The following DNAH5 variants were observed in gnomAD, a reference collection of about 807,000 sequenced individuals.
The protein encoded by DNAH5 is dynein axonemal heavy chain 5, also known as axonemal beta dynein heavy chain 5.
In DNAH5, 372 loss-of-function variants were observed where a neutral mutation model predicts 518.2. The observed-to-expected ratio is 0.72, with a 90% confidence interval of 0.66 to 0.78. DNAH5 has a LOEUF of 0.78. Among genes scored for constraint, DNAH5 ranks in the 30% least tolerant of loss-of-function variants. The pLI is 0.00. For synonymous variants in DNAH5, 2,039 were observed against 2,025.9 expected (o/e 1.01, Z -0.17); for missense variants, 5,523 against 5,687.0 (o/e 0.97, Z 0.93).
In DNAH5 at chr5:13,928,159, A is replaced by T. The variant is rs1402805753; in HGVS notation, c.212T>A (p.Leu71His). 1 of 1,613,740 alleles carries T rather than the reference A, an allele frequency of 6.2e-7. No individual in the cohort carries two copies. The highest frequency in any genetic ancestry group is 8.5e-7 in the Non-Finnish European group (1 of 1,179,770). The change falls in exon 3 of 79, where the codon CTT becomes CAT. Residue 71 changes from leucine to histidine, a missense_variant. By Grantham distance (99) the Leu-to-His change is moderately conservative. Coordinates refer to ENST00000265104, the MANE Select transcript of DNAH5 (RefSeq NM_001369.3). ...EGNQIERIDQLFAVGGLRHLM... is the reference protein window; with the variant it reads ...EGNQIERIDQHFAVGGLRHLM... ...GTGTCGGAGACCTCCAACAGCAAAA[A>T]GTTGATCAATTCTTTCAATCTGGGA... is the stretch of plus-strand genomic sequence containing the variant.
chr5:13,977,828 T>C (rs1782378547), intron 1 of DNAH5, among the ~76,000 whole-genome samples: 1 of 152,100 alleles, frequency 6.6e-6, no homozygotes, highest in African/African-American at 2.4e-5. Context: ...AGTTGAATTA[T>C]GGGAGGGTTT....
chr5:13,994,586 C>G (rs1783798475), intron 1 of DNAH5, among the ~76,000 whole-genome samples: 1 of 152,194 alleles, frequency 6.6e-6, no homozygotes, highest in African/African-American at 2.4e-5. Context: ...CCTGACCTGA[C>G]ACAGAAAATA....
chr5:13,769,743 A>G (rs1753068505), intron 56 of DNAH5, 128 bp from the exon 57 acceptor site: 1 of 799,820 alleles, frequency 1.3e-6, no homozygotes, highest in Non-Finnish European at 2.2e-6. Flanking sequence ...TAGCAAACCC[A>G]AGAGGGCTTA....
chr5:13,917,625 A>C (rs1348745293), intron 7 of DNAH5, among the ~76,000 whole-genome samples: 1 of 152,144 alleles, frequency 6.6e-6, no homozygotes, highest in Non-Finnish European at 1.5e-5. Context: ...CTCCCTTCCT[A>C]TATCCCTATA....
chr5:13,798,736 TTTATTTTATTTATTTA>T (rs1338262430), intron 47 of DNAH5, among the ~76,000 whole-genome samples: 8,652 of 108,230 alleles, frequency 0.08, 320 homozygotes, highest in Middle Eastern at 0.097. Flanking sequence ...CATGATTTTA[TTTATTTTATTTATTTA>T]TTTATTTATT....
intron 65 of DNAH5, among the ~76,000 whole-genome samples, chr5:13,745,229 T>C (rs1749167177): frequency 6.6e-6 from 1 of 152,066 alleles, no homozygotes; most frequent in Non-Finnish European, 1.5e-5. Context: ...ATTTGGTTTC[T>C]ATAAAGGAAG....
At chr5:13,913,393 G>T (rs1776254786) in intron 11 of DNAH5, among the ~76,000 whole-genome samples, 1 of 151,978 alleles carries the variant, frequency 6.6e-6, no homozygotes, top group South Asian at 2.1e-4. Flanking sequence ...GTGTCAACTA[G>T]TGCCTGATAC....
rs1357176901 is a variant in DNAH5 at position 13,777,986 on chromosome 5, T to C, written c.8952-631A>G. On this transcript the variant is annotated intron_variant, in intron 53 of 78. Transcript: ENST00000265104. ...GAAGTGAACCTACAATCAGGAAATA[T>C]TAGAGAGTTCCCACTGTGGAGTGCT... Among the ~76,000 whole-genome samples the C allele has an allele frequency of 3.9e-5, 6 of 152,304 alleles. No individual in the cohort carries two copies. The South Asian group carries it at 1.2e-3, about 32-fold the overall frequency.
chr5:13,756,967 C>T (rs904927701), intron 61 of DNAH5, among the ~76,000 whole-genome samples: 12 of 152,280 alleles, frequency 7.9e-5, no homozygotes, highest in African/African-American at 2.9e-4. Flanking sequence ...TTTGGTTTTT[C>T]AGTTCCTGTG....
At position 13,920,602 on chromosome 5, in the gene DNAH5, A is replaced by G; in HGVS notation, c.676T>C (p.Cys226Arg). The G allele has an allele frequency of 1.2e-6, 2 of 1,614,154 alleles. No homozygotes were observed. Among genetic ancestry groups the G allele is most frequent in the Non-Finnish European group, 1.7e-6 (2 of 1,180,006 alleles). Reference protein sequence around the residue: ...SLKEKVNLRKCDILELKTLKE... With the variant: ...SLKEKVNLRKRDILELKTLKE... Reference sequence around the variant, plus strand: ...AGGGTTTTCAGTTCAAGTATGTCACACTTTCGAAGGTTCACCTAATTAGAA... The same window carrying G: ...AGGGTTTTCAGTTCAAGTATGTCACGCTTTCGAAGGTTCACCTAATTAGAA... The change falls in exon 6 of 79, where the codon TGT becomes CGT. Residue 226 changes from cysteine to arginine, a missense_variant. This residue lies in a region of DNAH5 where 5,121 missense variants were observed against 5,223.3 expected (regional missense o/e 0.98). Coordinates refer to ENST00000265104, the MANE Select transcript of DNAH5 (RefSeq NM_001369.3).
chr5:13,872,513 T>C (rs964760550), intron 22 of DNAH5, among the ~76,000 whole-genome samples: 1 of 152,200 alleles, frequency 6.6e-6, no homozygotes, highest in Admixed American at 6.5e-5. Flanking sequence ...TATTTTTCAA[T>C]GCTGTTGTCA....
At chr5:13,718,762 C>T in intron 72 of DNAH5, 120 bp downstream of exon 72, 1 of 819,484 alleles carries the variant, frequency 1.2e-6, no homozygotes. Flanking sequence ...ACCTCCCCAT[C>T]AGGTTAAACA....
intron 63 of DNAH5, among the ~76,000 whole-genome samples, chr5:13,752,629 TC>T (rs1415794395): frequency 6.6e-6 from 1 of 152,204 alleles, no homozygotes; most frequent in Non-Finnish European, 1.5e-5. Context: ...GGTCCCATCC[TC>T]AAGTTATCTC....
intron 55 of DNAH5, among the ~76,000 whole-genome samples, chr5:13,774,831 A>C (rs1241975922): frequency 1.3e-5 from 2 of 152,198 alleles, no homozygotes; most frequent in Non-Finnish European, 2.9e-5. Flanking sequence ...GATGACTGAA[A>C]TAGGAACTTA....
chr5:13,920,452 A>T, intron 6 of DNAH5, 28 bp downstream of exon 6: 1 of 1,613,862 alleles, frequency 6.2e-7, no homozygotes, highest in Non-Finnish European at 8.5e-7. Context: ...GTGGCACCTG[A>T]AATTGATGTT....
intron 65 of DNAH5, among the ~76,000 whole-genome samples, chr5:13,741,101 G>C (rs780505197): frequency 2.6e-5 from 4 of 152,134 alleles, no homozygotes; most frequent in Non-Finnish European, 4.4e-5. Flanking sequence ...TCTAGTCTTT[G>C]TGCCAGAAAT....
intron 30 of DNAH5, among the ~76,000 whole-genome samples, chr5:13,856,006 G>A (rs147784194): frequency 0.02 from 3,072 of 152,234 alleles, 102 homozygotes; most frequent in African/African-American, 0.068. Flanking sequence ...ACTGTTTAGA[G>A]GGAAATTTAT....
At position 13,829,716 on chromosome 5, in the gene DNAH5, A is replaced by G; in HGVS notation, c.6250-12T>C. 2.0e-5 allele frequency: 32 copies of G among 1,612,464 alleles called. No individual in the cohort carries two copies. The highest frequency in any genetic ancestry group is 2.7e-5 in the Non-Finnish European group (32 of 1,178,500). ...GCATAGCCAGGATTCTAAACAGAAA[A>G]TAAAGCCCAAGGATGAATGATGCAA... is the stretch of plus-strand genomic sequence containing the variant. On this transcript the variant is annotated splice_polypyrimidine_tract_variant and intron_variant, in intron 37 of 78. Coordinates refer to ENST00000265104, the MANE Select transcript of DNAH5 (RefSeq NM_001369.3).
In DNAH5 at chr5:13,917,199, C is replaced by T. The variant is rs1440970875; in HGVS notation, c.1033G>A (p.Val345Met). 4 of 1,613,928 alleles carry T rather than the reference C, an allele frequency of 2.5e-6. No homozygotes were observed. The highest frequency in any genetic ancestry group is 1.3e-5 in the African/African-American group (1 of 74,920). The change falls in exon 8 of 79, where the codon GTG becomes ATG. Residue 345 changes from valine to methionine, a missense_variant. Val to Met is a conservative substitution (Grantham distance 21). Transcript: ENST00000265104. ...TDATNEAKDN[V>M]KYLYTLEKCC... ...TTTTCAAGTGTATACAAGTATTTCA[C>T]ATTGTCCTTTGCTTCATTAGTTGCA... is the stretch of plus-strand genomic sequence containing the variant.
Sources: gnomAD v4.1 joint callset for allele counts (sites outside exome capture counted in the v4.1 genomes callset) on GRCh38, gnomAD v4.1.1 for gene constraint, gnomAD v4.1.1 regional missense constraint, MANE v1.5 for transcripts, NCBI Gene and HGNC (gene_info 2026-07-23, HGNC 2026-07-21) for gene names.